The following ELOVL7 variants were observed in gnomAD, a reference collection of about 807,000 sequenced individuals.
The protein encoded by ELOVL7 is ELOVL fatty acid elongase 7.
A neutral mutation model predicts 35.7 loss-of-function variants in ELOVL7; 27 were observed. The observed-to-expected ratio is 0.76, with a 90% confidence interval of 0.56 to 1.04. The LOEUF (loss-of-function observed/expected upper bound fraction) is 1.04, where lower values mean the gene tolerates loss of function less well. Ranked by LOEUF, ELOVL7 falls within the 50% of genes least tolerant of loss-of-function variation. The pLI, the probability that ELOVL7 is intolerant of heterozygous loss-of-function variation, is 0.00. For synonymous variants in ELOVL7, 113 were observed against 114.6 expected, an observed-to-expected ratio of 0.99 and a Z score of 0.09; for missense variants, 327 against 340.8, an observed-to-expected ratio of 0.96 and a Z score of 0.32.
At chr5:60,771,722 C>T (rs1451883644) in intron 4 of ELOVL7, among the ~76,000 whole-genome samples, 181 bp downstream of exon 4, 1 of 152,190 alleles carries the variant, frequency 6.6e-6, no homozygotes, top group East Asian at 1.9e-4. Context: ...ATACTGAGAT[C>T]CTCAAATGAG....
chr5:60,772,156 A>G, intron 3 of ELOVL7, 63 bp from the exon 4 acceptor site: 1 of 1,085,604 alleles, frequency 9.2e-7, no homozygotes, highest in Non-Finnish European at 1.3e-6. Flanking sequence ...ACAGCAACCA[A>G]CATTTCTTTA....
intron 1 of ELOVL7, among the ~76,000 whole-genome samples, chr5:60,801,830 T>A (rs951372455): frequency 2.6e-5 from 4 of 152,064 alleles, no homozygotes; most frequent in Non-Finnish European, 5.9e-5. Flanking sequence ...TGCCCTTGAA[T>A]GTCAGATTCC....
intron 4 of ELOVL7, among the ~76,000 whole-genome samples, chr5:60,770,370 C>T (rs1742507646): frequency 6.6e-6 from 1 of 152,138 alleles, no homozygotes; most frequent in Non-Finnish European, 1.5e-5. Context: ...TCAATCCTAT[C>T]TTTATAAAAC....
chr5:60,837,313 G>GGC (rs1201486090), intron 1 of ELOVL7, among the ~76,000 whole-genome samples: 1 of 107,746 alleles, frequency 9.3e-6, no homozygotes, highest in African/African-American at 4.0e-5. Context: ...AGGGCGGGGG[G>GGC]GTGGGGGGGG....
chr5:60,802,179 A>G (rs1744684989), intron 1 of ELOVL7, among the ~76,000 whole-genome samples: 1 of 148,230 alleles, frequency 6.7e-6, no homozygotes, highest in Admixed American at 6.8e-5. Flanking sequence ...TCTAATACAG[A>G]CTTGTGAGTT....
intron 3 of ELOVL7, among the ~76,000 whole-genome samples, chr5:60,777,356 T>A (rs916547355): frequency 1.3e-5 from 2 of 151,898 alleles, no homozygotes; most frequent in African/African-American, 4.8e-5. Context: ...CATAAATATA[T>A]ACACCTACTA....
At position 60,791,751 on chromosome 5, in the gene ELOVL7, T is replaced by C. The variant is rs539761617; in HGVS notation, c.-34-4320A>G. Among the ~76,000 whole-genome samples the C allele has an allele frequency of 3.9e-5, 6 of 152,320 alleles. No individual in the cohort carries two copies. The East Asian group carries it at 1.2e-3, about 29-fold the overall frequency. On this transcript the variant is annotated intron_variant, in intron 2 of 8. Transcript: ENST00000508821. ...CAAAAAGCTACATTTCCCCCTCACC[T>C]TAACCACTGATATACCAGCCCTTGA...
At position 60,822,905 on chromosome 5, in the gene ELOVL7, T is replaced by C. The variant is rs145299240; in HGVS notation, c.-86+21255A>G. On this transcript the variant is annotated intron_variant, in intron 1 of 8. Transcript: ENST00000508821. Reference sequence around the variant, plus strand: ...AGGTTCAGTGCATAGAGTGGAATGGTCTTCAGCAAATTCAGCCAACCTGGA... The same window carrying C: ...AGGTTCAGTGCATAGAGTGGAATGGCCTTCAGCAAATTCAGCCAACCTGGA... Among the ~76,000 whole-genome samples, 64 of 152,192 alleles carry C rather than the reference T, an allele frequency of 4.2e-4. No homozygotes were observed. In the East Asian group the frequency reaches 0.012, roughly 29 times the overall value.
At chr5:60,808,997 A>T (rs983393226) in intron 1 of ELOVL7, among the ~76,000 whole-genome samples, 2 of 152,198 alleles carry the variant, frequency 1.3e-5, no homozygotes, top group African/African-American at 4.8e-5. Flanking sequence ...GCACAAGACA[A>T]TTCTGGAGGG....
intron 1 of ELOVL7, among the ~76,000 whole-genome samples, chr5:60,809,720 G>A (rs1745138536): frequency 6.6e-6 from 1 of 152,218 alleles, no homozygotes; most frequent in Non-Finnish European, 1.5e-5. Context: ...TAAGGCAAAA[G>A]CTTTGATTTC....
intron 4 of ELOVL7, 77 bp from the exon 5 acceptor site, chr5:60,767,980 C>G: frequency 9.2e-7 from 1 of 1,092,504 alleles, no homozygotes; most frequent in Admixed American, 1.7e-5. Context: ...TTGATAGTGT[C>G]TCTTCATTAC....
intron 4 of ELOVL7, among the ~76,000 whole-genome samples, chr5:60,768,285 C>A (rs1319027400): frequency 6.6e-6 from 1 of 152,160 alleles, no homozygotes; most frequent in Non-Finnish European, 1.5e-5. Context: ...TTAAAGGGAA[C>A]ACTTGGATCT....
chr5:60,766,183 T>TA (rs909627967), intron 6 of ELOVL7, among the ~76,000 whole-genome samples: 2 of 152,194 alleles, frequency 1.3e-5, no homozygotes, highest in Non-Finnish European at 2.9e-5. Flanking sequence ...TGCTTTGGGA[T>TA]AAAAAAACAA....
intron 7 of ELOVL7, among the ~76,000 whole-genome samples, chr5:60,758,224 CT>C (rs1464008941): frequency 6.6e-6 from 1 of 152,182 alleles, no homozygotes; most frequent in African/African-American, 2.4e-5. Context: ...AGGATGTACT[CT>C]TTTGTACCTG....
At chr5:60,835,331 A>G (rs1385199865) in intron 1 of ELOVL7, among the ~76,000 whole-genome samples, 1 of 152,048 alleles carries the variant, frequency 6.6e-6, no homozygotes, top group African/African-American at 2.4e-5. Flanking sequence ...ATTAAAAACA[A>G]AGCAAAACAA....
intron 2 of ELOVL7, 137 bp from the exon 3 acceptor site, chr5:60,787,568 A>G (rs932202598): frequency 8.8e-5 from 45 of 510,316 alleles, no homozygotes; most frequent in Non-Finnish European, 1.3e-4. Context: ...CTGAAGGCAA[A>G]TGCATAAGTA....
At chr5:60,810,191 T>C (rs763672333) in intron 1 of ELOVL7, among the ~76,000 whole-genome samples, 12 of 152,170 alleles carry the variant, frequency 7.9e-5, no homozygotes, top group Non-Finnish European at 1.6e-4. Flanking sequence ...GCATTTCTTA[T>C]AGTATGAAGG....
chr5:60,776,010 T>C (rs1742879553), intron 3 of ELOVL7, among the ~76,000 whole-genome samples: 1 of 152,170 alleles, frequency 6.6e-6, no homozygotes, highest in Non-Finnish European at 1.5e-5. Context: ...AAAGAGCTTT[T>C]GCACAGCAAA....
intron 3 of ELOVL7, among the ~76,000 whole-genome samples, chr5:60,778,154 T>A (rs751723112): frequency 1.3e-5 from 2 of 152,200 alleles, no homozygotes; most frequent in Non-Finnish European, 2.9e-5. Context: ...AATGGCAAGC[T>A]TTCTAGGATG....
Sources: gnomAD v4.1 joint callset for allele counts (sites outside exome capture counted in the v4.1 genomes callset) on GRCh38, gnomAD v4.1.1 for gene constraint, MANE v1.5 for transcripts, NCBI Gene and HGNC (gene_info 2026-07-23, HGNC 2026-07-21) for gene names.